The following TXNDC16 variants were observed in gnomAD, a reference collection of about 807,000 sequenced individuals.
The protein encoded by TXNDC16 is thioredoxin domain containing 16, also known as thioredoxin domain-containing protein 16.
TXNDC16 carries 74 observed loss-of-function variants against 85.6 expected under a neutral mutation model. The ratio of observed to expected loss-of-function variants is 0.86; its 90% CI spans 0.72 to 1.05. TXNDC16 has a LOEUF of 1.05. Ranked by LOEUF, TXNDC16 falls within the 50% of genes least tolerant of loss-of-function variation. The pLI is 0.00. For missense variants in TXNDC16, 959 were observed against 947.0 expected (o/e 1.01, Z -0.17); for synonymous variants, 335 against 326.5 (o/e 1.03, Z -0.28).
At chr14:52,478,795 C>G (rs1015818586) in intron 14 of TXNDC16, among the ~76,000 whole-genome samples, 5 of 151,978 alleles carry the variant, frequency 3.3e-5, no homozygotes, top group African/African-American at 7.2e-5. Context: ...AAAAAGGGAA[C>G]CCTCGCTAAA....
Position 52,470,117 on chromosome 14 carries a change from A to G in TXNDC16, c.1538T>C (p.Leu513Ser). The G allele has an allele frequency of 6.2e-7, 1 of 1,611,194 alleles. No homozygotes were observed. The highest frequency in any genetic ancestry group is 8.5e-7 in the Non-Finnish European group (1 of 1,178,288). Residue 513 changes from leucine to serine, a missense_variant, in exon 16 of 21, where the codon TTA (leucine) becomes TCA (serine). Coordinates refer to ENST00000281741, the MANE Select transcript of TXNDC16 (RefSeq NM_020784.3). Reference protein sequence around the residue: ...ITSIQEAEEYLSGELYKDLIL... With the variant: ...ITSIQEAEEYSSGELYKDLIL... ...GAGGTCTTTATATAATTCCCCACTTAAATATTCTTCTGCTTCTTGGATCGA... is the reference window on the plus strand; with the variant it reads ...GAGGTCTTTATATAATTCCCCACTTGAATATTCTTCTGCTTCTTGGATCGA...
rs140155344 is a variant in TXNDC16, at chr14:52,477,330, C to A, written c.1312+4900G>T. Among the ~76,000 whole-genome samples the A allele has an allele frequency of 4.8e-3, 725 of 152,254 alleles. 14 individuals are homozygous for A. The highest frequency in any genetic ancestry group is 0.039 in the Admixed American group (598 of 15,290). On this transcript the variant is annotated intron_variant, in intron 14 of 20. Coordinates refer to ENST00000281741, the MANE Select transcript of TXNDC16 (RefSeq NM_020784.3). ...TGGAATGGTATCTCACATCTCAATACTAACATTGAATGTAAATGGCCTAAA... is the reference window on the plus strand; with the variant it reads ...TGGAATGGTATCTCACATCTCAATAATAACATTGAATGTAAATGGCCTAAA...
intron 18 of TXNDC16, among the ~76,000 whole-genome samples, chr14:52,446,275 C>A (rs912650550): frequency 2.6e-5 from 4 of 152,194 alleles, no homozygotes; most frequent in Non-Finnish European, 5.9e-5. Context: ...GAGAGCACAG[C>A]AATTGTGAGA....
chr14:52,487,841 G>A (rs1046874756), intron 12 of TXNDC16, among the ~76,000 whole-genome samples: 1 of 151,916 alleles, frequency 6.6e-6, no homozygotes, highest in Admixed American at 6.6e-5. Context: ...GGGAAAAAGA[G>A]TTAAAAACTA....
At chr14:52,452,166 G>A (rs533377386) in intron 18 of TXNDC16, among the ~76,000 whole-genome samples, 1 of 152,230 alleles carries the variant, frequency 6.6e-6, no homozygotes, top group African/African-American at 2.4e-5. Flanking sequence ...ATACATTGAT[G>A]TAAGAAACTG....
intron 7 of TXNDC16, among the ~76,000 whole-genome samples, chr14:52,515,997 T>G (rs1000254805): frequency 6.6e-6 from 1 of 152,164 alleles, no homozygotes; most frequent in African/African-American, 2.4e-5. Flanking sequence ...TTTGTTTTTC[T>G]TTTCTAATTT....
intron 6 of TXNDC16, among the ~76,000 whole-genome samples, chr14:52,534,890 T>G (rs1012570941): frequency 2.6e-5 from 4 of 152,188 alleles, no homozygotes; most frequent in Non-Finnish European, 5.9e-5. Flanking sequence ...GTTCTATAAA[T>G]CAGCATTAGT....
In TXNDC16 at chr14:52,454,649, C is replaced by CAAA. The variant is rs34727206; in HGVS notation, c.1842+672_1842+674dup. On this transcript the variant is annotated intron_variant, in intron 18 of 20. Transcript: ENST00000281741. The stretch of plus-strand genomic sequence containing the variant: ...TGAAACCTTGTGTCTACTAAAAATA[C>CAAA]AAAAAAAAAAAAAAAAAAAAGCCAG... Among the ~76,000 whole-genome samples the CAAA allele has an allele frequency of 1.3e-3, 78 of 60,376 alleles. 1 individual carries two copies. Among genetic ancestry groups the CAAA allele is most frequent in the South Asian group, 9.4e-3 (16 of 1,694 alleles). The allele number at this position is 60,376 out of a possible 152,430, so 39.6% of individuals were successfully genotyped here. A position where few individuals can be genotyped will look rare whatever the true frequency, so the allele number is the denominator to read the frequency against.
intron 7 of TXNDC16, among the ~76,000 whole-genome samples, chr14:52,515,763 T>C (rs999770057): frequency 1.2e-4 from 18 of 151,524 alleles, no homozygotes; most frequent in African/African-American, 4.1e-4. Context: ...TCTGTTGACT[T>C]CCTACTGTGG....
chr14:52,528,560 G>T (rs1025500883), intron 6 of TXNDC16, among the ~76,000 whole-genome samples: 1 of 151,148 alleles, frequency 6.6e-6, no homozygotes, highest in African/African-American at 2.4e-5. Flanking sequence ...AATTATATAT[G>T]ATATATATAT....
chr14:52,440,871 AATAAC>A, intron 18 of TXNDC16, 147 bp from the exon 19 acceptor site: 1 of 658,274 alleles, frequency 1.5e-6, no homozygotes, highest in Non-Finnish European at 2.4e-6. Context: ...TTACTATATT[AATAAC>A]TATGAATCTC....
rs568520528 is a variant in TXNDC16, at chr14:52,529,924, T to A, written c.392+6795A>T. Among the ~76,000 whole-genome samples the A allele has an allele frequency of 1.6e-3, 175 of 107,158 alleles. 2 individuals are homozygous for A. Among genetic ancestry groups the A allele is most frequent in the African/African-American group, 6.7e-3 (174 of 25,978 alleles). 70.3% of individuals were successfully genotyped at this position (107,158 alleles called of 152,430 possible). A position where few individuals can be genotyped will look rare whatever the true frequency, so the allele number is the denominator to read the frequency against. Reference sequence around the variant, plus strand: ...ATATTATATATTATATAATATACATTATATATATTATATATATGAATTATA... The same window carrying A: ...ATATTATATATTATATAATATACATAATATATATTATATATATGAATTATA... On this transcript the variant is annotated intron_variant, in intron 6 of 20. Coordinates refer to ENST00000281741, the MANE Select transcript of TXNDC16 (RefSeq NM_020784.3).
chr14:52,511,509 A>G lies in TXNDC16; in HGVS notation c.606-119T>C, dbSNP rs185161684. 386 of 567,250 alleles carry G rather than the reference A, an allele frequency of 6.8e-4. 2 individuals are homozygous for G. The African/African-American group carries it at 6.9e-3, about 10-fold the overall frequency. The allele number at this position is 567,250 out of a possible 1,614,324, so 35.1% of individuals were successfully genotyped here. A position where few individuals can be genotyped will look rare whatever the true frequency, so the allele number is the denominator to read the frequency against. The stretch of plus-strand genomic sequence containing the variant: ...ATGCTTTTGAATTATTATTTTGGTA[A>G]AAGCCTGAAAGAGTATAAAATTAAA... On this transcript the variant is annotated intron_variant, in intron 8 of 20. Coordinates refer to ENST00000281741, the MANE Select transcript of TXNDC16 (RefSeq NM_020784.3).
chr14:52,439,166 T>G, intron 20 of TXNDC16, 38 bp downstream of exon 20: 5 of 1,574,728 alleles, frequency 3.2e-6, no homozygotes, highest in Non-Finnish European at 3.5e-6. Context: ...TGGAACAAAA[T>G]GCAGAACTAC....
intron 20 of TXNDC16, among the ~76,000 whole-genome samples, chr14:52,438,898 C>T (rs1293660059): frequency 6.6e-6 from 1 of 152,100 alleles, no homozygotes; most frequent in Non-Finnish European, 1.5e-5. Flanking sequence ...CTTTGGTAGG[C>T]CAAAGCTCCC....
chr14:52,462,879 G>A, intron 16 of TXNDC16: 1 of 453,712 alleles, frequency 2.2e-6, no homozygotes, highest in Admixed American at 2.4e-5. Context: ...GGAGTACTCA[G>A]TTCTTCAGAA....
At position 52,462,821 on chromosome 14, in the gene TXNDC16, C is replaced by T. The variant is rs145265484; in HGVS notation, c.1619-5647G>A. The T allele has an allele frequency of 6.9e-3, 2,753 of 401,124 alleles. 15 individuals are homozygous for T. The highest frequency in any genetic ancestry group is 8.9e-3 in the Non-Finnish European group (1,829 of 205,840). 24.8% of individuals were successfully genotyped at this position (401,124 alleles called of 1,614,324 possible). The stretch of plus-strand genomic sequence containing the variant: ...TGCAACTTTAAATTACCTTTAGTAA[C>T]ATTTTGCCATTTTTGTAAGTGTTTG... On this transcript the variant is annotated intron_variant, in intron 16 of 20. Coordinates refer to ENST00000281741, the MANE Select transcript of TXNDC16 (RefSeq NM_020784.3).
intron 18 of TXNDC16, among the ~76,000 whole-genome samples, chr14:52,453,470 C>T (rs369956260): frequency 3.3e-5 from 5 of 152,116 alleles, no homozygotes; most frequent in African/African-American, 1.2e-4. Context: ...ATGGTACATA[C>T]ACACAATGAA....
At position 52,449,846 on chromosome 14, in the gene TXNDC16, G is replaced by A. The variant is rs112892528; in HGVS notation, c.1842+5478C>T. 7.0e-3 allele frequency among the ~76,000 whole-genome samples: 1,061 copies of A among 152,138 alleles called. 10 individuals are homozygous for A. The highest frequency in any genetic ancestry group is 0.024 in the African/African-American group (1,009 of 41,526). ...CATGGAAATTAAACAATATGCTCCT[G>A]AATGACCAGTGGGGTCAATGAAGAA... On this transcript the variant is annotated intron_variant, in intron 18 of 20. Transcript: ENST00000281741.
Sources: allele counts gnomAD v4.1 joint callset (sites outside exome capture counted in the v4.1 genomes callset), GRCh38; gene constraint gnomAD v4.1.1; transcripts MANE v1.5; gene names NCBI Gene and HGNC (gene_info 2026-07-23, HGNC 2026-07-21).